Variants in AAK1 observed in about 807,000 individuals in gnomAD.
The protein encoded by AAK1 is AP2-associated protein kinase 1.
A neutral mutation model predicts 116.0 loss-of-function variants in AAK1; 37 were observed. That is an observed-to-expected ratio of 0.32 (90% CI 0.25 to 0.42). The LOEUF (loss-of-function observed/expected upper bound fraction) is 0.42, where lower values mean the gene tolerates loss of function less well. Ranked by LOEUF, AAK1 falls within the 10% of genes least tolerant of loss-of-function variation. The probability of loss-of-function intolerance (pLI) is 1.00; values close to 1 mark genes in which losing one functional copy is unlikely to be tolerated. For synonymous variants in AAK1, 458 were observed against 439.9 expected (o/e 1.04, Z -0.51); for missense variants, 919 against 1,170.6 (o/e 0.79, Z 3.14).
In AAK1 at chr2:69,475,355, C is replaced by T. The variant is rs193199188; in HGVS notation, c.*514G>A. On this transcript the variant is annotated 3_prime_UTR_variant, in exon 22 of 22. Coordinates refer to ENST00000409085, the MANE Select transcript of AAK1 (RefSeq NM_014911.5). ...CTTTCTTAAACCACACACCCATCTCCAGGCTACTGCCTAGAGTTAAGACCA... is the reference window on the plus strand; with the variant it reads ...CTTTCTTAAACCACACACCCATCTCTAGGCTACTGCCTAGAGTTAAGACCA... 2.0e-6 allele frequency: 2 copies of T among 987,034 alleles called. No homozygotes were observed. The highest frequency in any genetic ancestry group is 1.1e-4 in the East Asian group (1 of 8,864). 61.1% of individuals were successfully genotyped at this position (987,034 alleles called of 1,614,324 possible).
intron 7 of AAK1, 122 bp downstream of exon 7, chr2:69,530,503 G>A: frequency 1.4e-6 from 1 of 730,748 alleles, no homozygotes; most frequent in Non-Finnish European, 2.2e-6. Context: ...TAACCTTGAG[G>A]GGTAAGTAGA....
chr2:69,578,048 C>T (rs1242069794), intron 2 of AAK1, among the ~76,000 whole-genome samples: 3 of 152,164 alleles, frequency 2.0e-5, no homozygotes, highest in African/African-American at 7.2e-5. Context: ...ACCCCCTTCC[C>T]TCCCTCGGGC....
chr2:69,617,392 C>A, intron 2 of AAK1, among the ~76,000 whole-genome samples: 1 of 152,140 alleles, frequency 6.6e-6, no homozygotes. Context: ...TGTGTAGTTT[C>A]GGACAGGCCA....
chr2:69,596,025 T>C (rs1035152259), intron 2 of AAK1, among the ~76,000 whole-genome samples: 1 of 152,184 alleles, frequency 6.6e-6, no homozygotes, highest in African/African-American at 2.4e-5. Flanking sequence ...GTTTACAGAA[T>C]GGTTAACTGA....
At position 69,476,912 on chromosome 2, in the gene AAK1, G is replaced by A; in HGVS notation, c.2759C>T (p.Pro920Leu). 2.5e-6 allele frequency: 4 copies of A among 1,613,604 alleles called. No individual in the cohort carries two copies. Among genetic ancestry groups the A allele is most frequent in the Non-Finnish European group, 3.4e-6 (4 of 1,179,742 alleles). Reference sequence around the variant, plus strand: ...GTTTTTGGTTATCAATACAGGAATAGGGTCAAACTCATCTTCAGCCACCTT... The same window carrying A: ...GTTTTTGGTTATCAATACAGGAATAAGGTCAAACTCATCTTCAGCCACCTT... ...SDKVAEDEFD[P>L]IPVLITKNPQ... Residue 920 changes from proline (P) to leucine (L), a missense_variant, in exon 21 of 22, where the codon CCT (proline) becomes CTT (leucine). By Grantham distance (98) the Pro-to-Leu change is moderately conservative. Coordinates refer to ENST00000409085, the MANE Select transcript of AAK1 (RefSeq NM_014911.5).
intron 2 of AAK1, among the ~76,000 whole-genome samples, chr2:69,632,618 G>A (rs778801472): frequency 3.9e-5 from 6 of 152,204 alleles, no homozygotes; most frequent in Non-Finnish European, 7.3e-5. Flanking sequence ...ATGAACTAGC[G>A]CCAGGCGCGA....
chr2:69,531,385 C>T (rs1670249082), intron 6 of AAK1, among the ~76,000 whole-genome samples: 2 of 152,058 alleles, frequency 1.3e-5, no homozygotes, highest in Non-Finnish European at 1.5e-5. Flanking sequence ...TCTGGGGTGA[C>T]GCATGAAAGG....
intron 2 of AAK1, among the ~76,000 whole-genome samples, chr2:69,641,105 G>T (rs1161295519): frequency 1.3e-5 from 2 of 152,174 alleles, no homozygotes; most frequent in Non-Finnish European, 2.9e-5. Context: ...AGGCAGCCTA[G>T]GTAACAAAGA....
chr2:69,524,884 C>T (rs1169852354), intron 10 of AAK1, 149 bp downstream of exon 10: 13 of 680,120 alleles, frequency 1.9e-5, no homozygotes, highest in African/African-American at 3.6e-5. Context: ...CCCAAAGAAC[C>T]GTTTCTGCCT....
intron 2 of AAK1, among the ~76,000 whole-genome samples, chr2:69,605,033 C>T (rs888027795): frequency 1.3e-5 from 2 of 152,164 alleles, no homozygotes; most frequent in African/African-American, 4.8e-5. Context: ...TTCCTCCTAG[C>T]ACTAATTTCA....
intron 2 of AAK1, among the ~76,000 whole-genome samples, chr2:69,607,505 C>T (rs1308648378): frequency 6.6e-6 from 1 of 152,030 alleles, no homozygotes; most frequent in Non-Finnish European, 1.5e-5. Context: ...CCCACAAGCC[C>T]CCAAAATGGT....
At chr2:69,576,936 T>G (rs1354332544) in intron 2 of AAK1, among the ~76,000 whole-genome samples, 3 of 152,226 alleles carry the variant, frequency 2.0e-5, no homozygotes, top group Non-Finnish European at 2.9e-5. Context: ...TCCACGGCAT[T>G]AAGACCACAT....
In AAK1 at chr2:69,620,520, T is replaced by C. The variant is rs1234921735; in HGVS notation, c.163+22358A>G. Among the ~76,000 whole-genome samples, 3 of 152,218 alleles carry C rather than the reference T, an allele frequency of 2.0e-5. No homozygotes were observed. In the South Asian group the frequency reaches 6.2e-4, roughly 32 times the overall value. On this transcript the variant is annotated intron_variant, in intron 2 of 21. Transcript: ENST00000409085. ...CCACTCACCAACTCACTGTAATCTA[T>C]AATTCCGTTTCCATCACTCTTCTGA...
In AAK1 at chr2:69,643,153, G is replaced by A. The variant is rs1573040434; in HGVS notation, c.-113C>T. ...ATTTCTTCTCAGATTTCACCTCGGA[G>A]AGGAGCCACCCGAATCCGGCCGTGG... is the stretch of plus-strand genomic sequence containing the variant. On this transcript the variant is annotated 5_prime_UTR_variant, in exon 2 of 22. Coordinates refer to ENST00000409085, the MANE Select transcript of AAK1 (RefSeq NM_014911.5). 2 of 1,432,082 alleles carry A rather than the reference G, an allele frequency of 1.4e-6. No individual in the cohort carries two copies. Among genetic ancestry groups the A allele is most frequent in the East Asian group, 2.5e-5 (1 of 39,482 alleles). 88.7% of individuals were successfully genotyped at this position (1,432,082 alleles called of 1,614,324 possible).
Position 69,467,849 on chromosome 2 carries a change from G to A in AAK1, c.*8020C>T. ...AGAGACATTACATTGTAAAGAGAAT[G>A]TAGAGAGAGGTCTGAACATTTTATA... On this transcript the variant is annotated 3_prime_UTR_variant, in exon 22 of 22. Transcript: ENST00000409085. The A allele has an allele frequency of 1.0e-6, 1 of 985,418 alleles. No individual in the cohort carries two copies. The highest frequency in any genetic ancestry group is 1.2e-6 in the Non-Finnish European group (1 of 829,890). The allele number at this position is 985,418 out of a possible 1,614,324, so 61.0% of individuals were successfully genotyped here. A position where few individuals can be genotyped will look rare whatever the true frequency, so the allele number is the denominator to read the frequency against.
chr2:69,582,960 G>A lies in AAK1; in HGVS notation c.164-25982C>T, dbSNP rs1335899012. On this transcript the variant is annotated intron_variant, in intron 2 of 21. Coordinates refer to ENST00000409085, the MANE Select transcript of AAK1 (RefSeq NM_014911.5). ...TTGACTGTGCAGTTACACCCACCGT[G>A]ATCATATGTAACTGCCACAGCCACA... 1.3e-5 allele frequency among the ~76,000 whole-genome samples: 2 copies of A among 152,124 alleles called. 1 individual carries two copies. The highest frequency in any genetic ancestry group is 4.8e-5 in the African/African-American group (2 of 41,426).
intron 5 of AAK1, among the ~76,000 whole-genome samples, chr2:69,534,302 T>C (rs1670373483): frequency 6.6e-6 from 1 of 152,200 alleles, no homozygotes; most frequent in African/African-American, 2.4e-5. Context: ...TAGGCAATTA[T>C]ATTCCTGCTA....
Position 69,468,130 on chromosome 2 carries a change from T to G in AAK1, c.*7739A>C. ...GAATAAGATTTTGAAAAGAATAAATTTTTCCTTGTATTATAATTTTAGTAT... is the reference window on the plus strand; with the variant it reads ...GAATAAGATTTTGAAAAGAATAAATGTTTCCTTGTATTATAATTTTAGTAT... On this transcript the variant is annotated 3_prime_UTR_variant, in exon 22 of 22. Transcript: ENST00000409085. 2.1e-5 allele frequency: 21 copies of G among 985,124 alleles called. No individual in the cohort carries two copies. Among genetic ancestry groups the G allele is most frequent in the Non-Finnish European group, 2.5e-5 (21 of 829,694 alleles). The allele number at this position is 985,124 out of a possible 1,614,324, so 61.0% of individuals were successfully genotyped here.
Position 69,598,135 on chromosome 2 carries a change from C to T in AAK1, c.164-41157G>A, listed in dbSNP as rs147101094. ...TGACCTTGAAAACCATTATGGCATT[C>T]AGGTGGGTAACTGAGTTTTGCCCCA... On this transcript the variant is annotated intron_variant, in intron 2 of 21. Transcript: ENST00000409085. 1,493 of 1,132,566 alleles carry T rather than the reference C, an allele frequency of 1.3e-3. 4 individuals are homozygous for T. The highest frequency in any genetic ancestry group is 1.5e-3 in the Non-Finnish European group (1,316 of 866,348). 70.2% of individuals were successfully genotyped at this position (1,132,566 alleles called of 1,614,324 possible).
Sources: gnomAD v4.1 joint callset for allele counts (sites outside exome capture counted in the v4.1 genomes callset) on GRCh38, gnomAD v4.1.1 for gene constraint, MANE v1.5 for transcripts, NCBI Gene and HGNC (gene_info 2026-07-23, HGNC 2026-07-21) for gene names.